PPM1D: variants seen among roughly 807,000 people sequenced by gnomAD.
PPM1D encodes protein phosphatase, Mg2+/Mn2+ dependent 1D, also known as protein phosphatase 1D.
A neutral mutation model predicts 58.3 loss-of-function variants in PPM1D; 52 were observed. The ratio of observed to expected loss-of-function variants is 0.89; its 90% confidence interval spans 0.71 to 1.12. The LOEUF (loss-of-function observed/expected upper bound fraction) is 1.12, where lower values mean the gene tolerates loss of function less well. PPM1D is among the 50% of genes most tolerant of loss of function. PPM1D has a pLI of 0.00. For missense variants in PPM1D, 564 were observed against 777.2 expected (o/e 0.73, Z 3.26); for synonymous variants, 278 against 285.1 (o/e 0.98, Z 0.25).
intron 3 of PPM1D, among the ~76,000 whole-genome samples, chr17:60,642,352 ATTTTTTT>A (rs760188816): frequency 4.8e-5 from 6 of 124,874 alleles, no homozygotes; most frequent in Admixed American, 8.2e-5. Flanking sequence ...AGAAGAATGG[ATTTTTTT>A]TTTTTTTTTT....
Position 60,600,376 on chromosome 17 carries a change from C to A in PPM1D, c.-39C>A, listed in dbSNP as rs886658289. On this transcript the variant is annotated 5_prime_UTR_variant, in exon 1 of 6. Coordinates refer to ENST00000305921, the MANE Select transcript of PPM1D (RefSeq NM_003620.4). ...GTGTGTCTCCCGCCGCCGGATTCGG[C>A]GGGCTGCGTGGGACCGGCGGGATCC... 1 of 1,537,844 alleles carries A rather than the reference C, an allele frequency of 6.5e-7. No individual in the cohort carries two copies. The highest frequency in any genetic ancestry group is 8.8e-7 in the Non-Finnish European group (1 of 1,142,376).
chr17:60,662,708 G>T (rs1330958656), intron 5 of PPM1D, among the ~76,000 whole-genome samples: 1 of 152,098 alleles, frequency 6.6e-6, no homozygotes, highest in Admixed American at 6.6e-5. Context: ...GAAAATGCTT[G>T]TGACCACGTG....
chr17:60,606,111 ACTG>A (rs2030325184), intron 1 of PPM1D, among the ~76,000 whole-genome samples: 1 of 152,156 alleles, frequency 6.6e-6, no homozygotes, highest in Non-Finnish European at 1.5e-5. Flanking sequence ...TCTACTTTGT[ACTG>A]CTATGAATTT....
rs1020938784 is a variant in PPM1D, at chr17:60,665,212, A to C, written c.*1660A>C. 1 of 151,312 alleles carries C rather than the reference A, an allele frequency of 6.6e-6. No homozygotes were observed. The highest frequency in any genetic ancestry group is 1.5e-5 in the Non-Finnish European group (1 of 67,862). The allele number at this position is 151,312 out of a possible 1,614,324, so 9.4% of individuals were successfully genotyped here. On this transcript the variant is annotated 3_prime_UTR_variant, in exon 6 of 6. Coordinates refer to ENST00000305921, the MANE Select transcript of PPM1D (RefSeq NM_003620.4). ...TCTTGATCTCCTGACCTCGTGATCC[A>C]CCCGCCTCGACCTCCCAAAGTACTG...
chr17:60,636,393 G>A (rs1276548129), intron 3 of PPM1D, among the ~76,000 whole-genome samples: 1 of 152,172 alleles, frequency 6.6e-6, no homozygotes, highest in Non-Finnish European at 1.5e-5. Flanking sequence ...AGCAGTGAAT[G>A]AAACAAAAAT....
chr17:60,650,583 A>G (rs992843330), intron 4 of PPM1D, among the ~76,000 whole-genome samples: 1 of 151,804 alleles, frequency 6.6e-6, no homozygotes, highest in African/African-American at 2.4e-5. Flanking sequence ...AACAAAAAAC[A>G]CAAATACATA....
At chr17:60,621,635 G>A (rs1161010830) in intron 1 of PPM1D, among the ~76,000 whole-genome samples, 3 of 147,498 alleles carry the variant, frequency 2.0e-5, no homozygotes, top group East Asian at 2.0e-4. Context: ...CTGCAGTGGC[G>A]CAATCTCGGC....
intron 3 of PPM1D, among the ~76,000 whole-genome samples, chr17:60,646,421 C>CA (rs991472928): frequency 4.6e-5 from 7 of 152,014 alleles, no homozygotes; most frequent in Admixed American, 2.6e-4. Context: ...TCTTGTTTAA[C>CA]AAAAAAACCA....
At chr17:60,605,063 C>T (rs962683161) in intron 1 of PPM1D, among the ~76,000 whole-genome samples, 31 of 152,214 alleles carry the variant, frequency 2.0e-4, no homozygotes, top group African/African-American at 7.2e-4. Context: ...CTCAAGTGAT[C>T]CATCTGCCTC....
intron 4 of PPM1D, among the ~76,000 whole-genome samples, chr17:60,651,172 G>A (rs1296820614): frequency 6.6e-6 from 1 of 152,098 alleles, no homozygotes; most frequent in Non-Finnish European, 1.5e-5. Flanking sequence ...TGTTTTCATA[G>A]AGCATTGATG....
intron 3 of PPM1D, among the ~76,000 whole-genome samples, chr17:60,634,913 T>G (rs552094152): frequency 3.8e-4 from 58 of 152,250 alleles, no homozygotes; most frequent in African/African-American, 1.1e-3. Context: ...CCCGAGTAAC[T>G]GGGACTACAG....
chr17:60,613,898 C>G (rs987439246), intron 1 of PPM1D, among the ~76,000 whole-genome samples: 5 of 146,400 alleles, frequency 3.4e-5, no homozygotes, highest in African/African-American at 1.0e-4. Context: ...AGGCCCCCCC[C>G]CCGCCACCCC....
intron 1 of PPM1D, 39 bp downstream of exon 1, chr17:60,600,925 A>G (rs745798166): frequency 1.9e-6 from 3 of 1,611,816 alleles, no homozygotes; most frequent in Non-Finnish European, 2.5e-6. Flanking sequence ...CCCCTTTTTC[A>G]GGCAGTTCAG....
At chr17:60,639,153 T>G (rs543382395) in intron 3 of PPM1D, among the ~76,000 whole-genome samples, 1 of 152,284 alleles carries the variant, frequency 6.6e-6, no homozygotes, top group Admixed American at 6.5e-5. Flanking sequence ...TTTTTTCTTG[T>G]CATCCAGGCT....
chr17:60,645,118 C>T (rs1306381464), intron 3 of PPM1D, among the ~76,000 whole-genome samples: 3 of 152,106 alleles, frequency 2.0e-5, no homozygotes, highest in African/African-American at 4.8e-5. Context: ...CTTTGGGAAG[C>T]CTAGGTGTAC....
In PPM1D at chr17:60,663,110, A is replaced by G; in HGVS notation, c.1376A>G (p.Glu459Gly). ...GAGGTTTCAGCTGAGATAGCTCGAG[A>G]GAATGTCCAAGGTGTAGTCATACCC... ...FLEVSAEIAR[E>G]NVQGVVIPSK... Residue 459 changes from glutamate (E) to glycine (G), a missense_variant, in exon 6 of 6, where the codon GAG becomes GGG. Glu to Gly is a moderately conservative substitution (Grantham distance 98). Transcript: ENST00000305921. The G allele has an allele frequency of 6.2e-7, 1 of 1,614,168 alleles. No homozygotes were observed. Among genetic ancestry groups the G allele is most frequent in the Non-Finnish European group, 8.5e-7 (1 of 1,179,998 alleles).
At chr17:60,613,946 A>G (rs1407188737) in intron 1 of PPM1D, among the ~76,000 whole-genome samples, 6 of 27,442 alleles carry the variant, frequency 2.2e-4, no homozygotes, top group Admixed American at 1.9e-3. Flanking sequence ...GATGAGCACC[A>G]CCCCCTGCTC....
intron 4 of PPM1D, among the ~76,000 whole-genome samples, chr17:60,650,907 T>C (rs1470671228): frequency 6.6e-6 from 1 of 152,130 alleles, no homozygotes; most frequent in Non-Finnish European, 1.5e-5. Context: ...ATGATTGTAC[T>C]TGTTAATAGC....
chr17:60,630,686 T>C (rs1428170072), intron 2 of PPM1D, among the ~76,000 whole-genome samples: 1 of 152,228 alleles, frequency 6.6e-6, no homozygotes, highest in African/African-American at 2.4e-5. Flanking sequence ...TTTTAACCAG[T>C]ATCATTATTT....
Sources: allele counts gnomAD v4.1 joint callset (sites outside exome capture counted in the v4.1 genomes callset), GRCh38; gene constraint gnomAD v4.1.1; transcripts MANE v1.5; gene names NCBI Gene and HGNC (gene_info 2026-07-23, HGNC 2026-07-21).